Variants in SPIDR observed in about 807,000 individuals in gnomAD.
SPIDR encodes the protein DNA repair-scaffolding protein.
In SPIDR, 93 loss-of-function variants were observed where a neutral mutation model predicts 104.6. The observed-to-expected ratio is 0.89, with a 90% confidence interval of 0.75 to 1.06. SPIDR has a LOEUF of 1.06. SPIDR is among the 50% of genes least tolerant of loss of function. The pLI, the probability that SPIDR is intolerant of heterozygous loss-of-function variation, is 0.00. For missense variants in SPIDR, 1,154 were observed against 1,111.2 expected, an observed-to-expected ratio of 1.04 and a Z score of -0.55; for synonymous variants, 431 against 416.9, an observed-to-expected ratio of 1.03 and a Z score of -0.41.
At chr8:47,348,198 C>T (rs1441546030) in intron 5 of SPIDR, among the ~76,000 whole-genome samples, 3 of 152,152 alleles carry the variant, frequency 2.0e-5, no homozygotes, top group African/African-American at 7.2e-5. Context: ...ATTTCTCCTT[C>T]ACTTTTGAAG....
chr8:47,563,049 T>C (rs2057283075), intron 8 of SPIDR, among the ~76,000 whole-genome samples: 1 of 151,964 alleles, frequency 6.6e-6, no homozygotes. Flanking sequence ...TTTTTTTTTT[T>C]TTTTGTCAAT....
At chr8:47,614,942 A>G (rs1386225040) in intron 10 of SPIDR, among the ~76,000 whole-genome samples, 2 of 152,278 alleles carry the variant, frequency 1.3e-5, no homozygotes, top group East Asian at 3.9e-4. Flanking sequence ...GCATTTCTGT[A>G]AGAGTTCTAT....
At chr8:47,485,017 G>A (rs782322204) in intron 8 of SPIDR, among the ~76,000 whole-genome samples, 14 of 152,212 alleles carry the variant, frequency 9.2e-5, no homozygotes, top group Non-Finnish European at 1.9e-4. Flanking sequence ...AGTGGGTGCA[G>A]CCCACCAAGC....
intron 8 of SPIDR, chr8:47,547,384 A>G: frequency 2.9e-6 from 1 of 346,498 alleles, no homozygotes; most frequent in Non-Finnish European, 5.8e-6. Context: ...ATCAATCTTA[A>G]TGAACCACTG....
intron 8 of SPIDR, among the ~76,000 whole-genome samples, chr8:47,452,880 A>G (rs372002700): frequency 4.6e-5 from 7 of 152,124 alleles, no homozygotes; most frequent in Non-Finnish European, 7.4e-5. Flanking sequence ...GGCAGGAGAA[A>G]GAAATAAAGG....
intron 8 of SPIDR, among the ~76,000 whole-genome samples, chr8:47,493,182 A>G (rs1409526596): frequency 2.6e-5 from 4 of 152,094 alleles, no homozygotes; most frequent in Non-Finnish European, 1.5e-5. Flanking sequence ...GCTCCTTAAG[A>G]GCAGAAACAA....
rs781995834 is a variant in SPIDR, at chr8:47,382,444, C to T, written c.526-13932C>T. Among the ~76,000 whole-genome samples the T allele has an allele frequency of 3.9e-5, 6 of 152,120 alleles. No individual in the cohort carries two copies. In the South Asian group the frequency reaches 1.2e-3, roughly 31 times the overall value. ...TTTCTCTTTTTTTGAGATGGAATCT[C>T]GCTCTGTTGCCAGGCTGGAGTACAG... On this transcript the variant is annotated intron_variant, in intron 5 of 19. Coordinates refer to ENST00000297423, the MANE Select transcript of SPIDR (RefSeq NM_001080394.4).
At chr8:47,586,728 T>G (rs950116241) in intron 8 of SPIDR, among the ~76,000 whole-genome samples, 7 of 152,142 alleles carry the variant, frequency 4.6e-5, no homozygotes, top group Non-Finnish European at 1.0e-4. Context: ...GAGCAAAAGT[T>G]TTCAGTTTTG....
At chr8:47,665,771 C>T (rs1409969770) in intron 10 of SPIDR, among the ~76,000 whole-genome samples, 1 of 152,144 alleles carries the variant, frequency 6.6e-6, no homozygotes. Flanking sequence ...TGTAAAATAT[C>T]ATATTATCAA....
At chr8:47,442,427 A>G (rs1171728767) in intron 8 of SPIDR, among the ~76,000 whole-genome samples, 4 of 152,230 alleles carry the variant, frequency 2.6e-5, no homozygotes, top group African/African-American at 9.6e-5. Flanking sequence ...TAGATTAAAA[A>G]CAGATTGATA....
chr8:47,519,741 C>T (rs2083747626), intron 8 of SPIDR, among the ~76,000 whole-genome samples: 1 of 152,106 alleles, frequency 6.6e-6, no homozygotes, highest in Admixed American at 6.6e-5. Flanking sequence ...GCTGTGATGG[C>T]ACCACTGCAC....
intron 10 of SPIDR, among the ~76,000 whole-genome samples, chr8:47,642,823 C>T (rs555077992): frequency 2.6e-5 from 4 of 152,212 alleles, no homozygotes; most frequent in African/African-American, 7.2e-5. Context: ...GCAAGAGGAT[C>T]GTTTGAGGCC....
At chr8:47,579,668 A>G (rs563105494) in intron 8 of SPIDR, among the ~76,000 whole-genome samples, 1 of 152,264 alleles carries the variant, frequency 6.6e-6, no homozygotes, top group South Asian at 2.1e-4. Flanking sequence ...AAACTGCCTA[A>G]CACTTGATAA....
intron 7 of SPIDR, among the ~76,000 whole-genome samples, chr8:47,421,190 T>C (rs1175738981): frequency 6.6e-6 from 1 of 152,238 alleles, no homozygotes; most frequent in African/African-American, 2.4e-5. Flanking sequence ...TCCTGGATAA[T>C]ATCCTGCAGA....
chr8:47,535,521 A>G (rs1039300395), intron 8 of SPIDR, among the ~76,000 whole-genome samples: 1 of 152,332 alleles, frequency 6.6e-6, no homozygotes, highest in Non-Finnish European at 1.5e-5. Context: ...ACATGTTGAC[A>G]AATCAAATCT....
intron 7 of SPIDR, among the ~76,000 whole-genome samples, chr8:47,426,247 C>T (rs1554684702): frequency 6.6e-6 from 1 of 152,120 alleles, no homozygotes; most frequent in African/African-American, 2.4e-5. Flanking sequence ...GGGCGAGACA[C>T]AGTCTCAAAA....
chr8:47,598,024 A>C (rs1050369049), intron 9 of SPIDR, among the ~76,000 whole-genome samples: 3 of 152,236 alleles, frequency 2.0e-5, no homozygotes, highest in Admixed American at 2.0e-4. Flanking sequence ...CTCTTTGACT[A>C]TCAAAAGAAG....
At chr8:47,369,881 A>G (rs2057749569) in intron 5 of SPIDR, among the ~76,000 whole-genome samples, 1 of 152,120 alleles carries the variant, frequency 6.6e-6, no homozygotes, top group South Asian at 2.1e-4. Context: ...ATTAATTTCC[A>G]ATGGTGACTT....
At chr8:47,400,677 C>CTTTT (rs35140121) in intron 6 of SPIDR, among the ~76,000 whole-genome samples, 19 of 139,552 alleles carry the variant, frequency 1.4e-4, no homozygotes, top group African/African-American at 4.6e-4. Flanking sequence ...TTCTTTCTTT[C>CTTTT]TTTTTTTTTT....
Sources: allele counts gnomAD v4.1 joint callset (sites outside exome capture counted in the v4.1 genomes callset), GRCh38; gene constraint gnomAD v4.1.1; transcripts MANE v1.5; gene names NCBI Gene and HGNC (gene_info 2026-07-23, HGNC 2026-07-21).